GREP1: variants seen among roughly 807,000 people sequenced by gnomAD.
GREP1 encodes the protein glycine-rich extracellular protein 1.
Position 3,000,709 on chromosome 16 carries a change from C to G in GREP1, c.1418-5C>G. Reference sequence around the variant, plus strand: ...GGGTACCCCTGCCAGCTCTCCTCCCCACAGGGCAGGCCGGGGTGCTGTGGA... The same window carrying G: ...GGGTACCCCTGCCAGCTCTCCTCCCGACAGGGCAGGCCGGGGTGCTGTGGA... On this transcript the variant is annotated splice_region_variant and splice_polypyrimidine_tract_variant and intron_variant, in intron 32 of 34. Coordinates refer to ENST00000573315, the Ensembl canonical transcript of GREP1. 2.5e-6 allele frequency: 1 copy of G among 399,026 alleles called. No homozygotes were observed. Among genetic ancestry groups the G allele is most frequent in the Admixed American group, 4.4e-5 (1 of 22,742 alleles). The allele number at this position is 399,026 out of a possible 1,614,324, so 24.7% of individuals were successfully genotyped here.
At chr16:2,999,875 C>A (rs1425702236) in intron 27 of GREP1, 27 bp from the exon 25 acceptor site, 2 of 398,968 alleles carry the variant, frequency 5.0e-6, no homozygotes, top group Non-Finnish European at 8.8e-6. Flanking sequence ...CCTGGGTCCC[C>A]CGCACTGACT....
Position 2,996,671 on chromosome 16 carries a change from A to T in GREP1, c.713-2A>T, listed in dbSNP as rs1204293993. ...TGATGTCAGCCTCTCTGTCTCTCCC[A>T]GGCCTAGGAGCGGGGATGAAGCCTC... is the stretch of plus-strand genomic sequence containing the variant. On this transcript the variant is annotated splice_acceptor_variant, in intron 19 of 34. Coordinates refer to ENST00000573315, the Ensembl canonical transcript of GREP1. LOFTEE classifies it high-confidence loss of function. 7.5e-6 allele frequency: 3 copies of T among 398,930 alleles called. No individual in the cohort carries two copies. The allele number at this position is 398,930 out of a possible 1,614,324, so 24.7% of individuals were successfully genotyped here.
chr16:3,001,567 G>A, exon 35 of GREP1: 1 of 399,190 alleles, frequency 2.5e-6, no homozygotes, highest in Middle Eastern at 6.3e-4. Flanking sequence ...CCAGGCCGCT[G>A]CCCTCTGGGG....
chr16:2,990,479 A>C, exon 6 of GREP1: 1 of 399,410 alleles, frequency 2.5e-6, no homozygotes, highest in Non-Finnish European at 4.4e-6. Flanking sequence ...ATGAAACCCC[A>C]AAACCTAGGT....
At chr16:2,995,375 TCACCCC>T (rs1393004109) in intron 14 of GREP1, 59 bp downstream of exon 15, 3 of 398,224 alleles carry the variant, frequency 7.5e-6, no homozygotes, top group Non-Finnish European at 1.3e-5. Context: ...CTTCCCCCTC[TCACCCC>T]CACCTCCATC....
chr16:2,998,808 C>G (rs2072442159), intron 25 of GREP1, 40 bp from the exon 24 acceptor site: 1 of 399,124 alleles, frequency 2.5e-6, no homozygotes, highest in East Asian at 3.6e-5. Context: ...GAGGACTGGC[C>G]TGGAGCATAG....
rs912822476 is a variant in GREP1, at chr16:2,991,732, C to G, written c.322+631C>G. On this transcript the variant is annotated intron_variant, in intron 8 of 34. Coordinates refer to ENST00000573315, the Ensembl canonical transcript of GREP1. The surrounding 1 kb of genome is among the most constrained non-coding windows in gnomAD (Gnocchi z 4.9). ...AATGCCATTCCTGTGGGTGGGGACTCCTGTGGAGGCCTCTGAGCTGCTTCC... is the reference window on the plus strand; with the variant it reads ...AATGCCATTCCTGTGGGTGGGGACTGCTGTGGAGGCCTCTGAGCTGCTTCC... 3.3e-5 allele frequency: 5 copies of G among 152,442 alleles called. No homozygotes were observed. Among genetic ancestry groups the G allele is most frequent in the African/African-American group, 1.2e-4 (5 of 41,448 alleles). The allele number at this position is 152,442 out of a possible 1,614,324, so 9.4% of individuals were successfully genotyped here. A position where few individuals can be genotyped will look rare whatever the true frequency, so the allele number is the denominator to read the frequency against.
In GREP1 at chr16:2,990,075, C is replaced by A; in HGVS notation, c.164-12C>A. ...TCTCACACTCCTCACCTCACCTCAT[C>A]TGTCTCTCCAGGATTCGTGGTCAGG... is the stretch of plus-strand genomic sequence containing the variant. On this transcript the variant is annotated splice_polypyrimidine_tract_variant and intron_variant, in intron 4 of 34. Coordinates refer to ENST00000573315, the Ensembl canonical transcript of GREP1. The A allele has an allele frequency of 2.5e-6, 1 of 399,370 alleles. No homozygotes were observed. Among genetic ancestry groups the A allele is most frequent in the East Asian group, 3.6e-5 (1 of 28,072 alleles). 24.7% of individuals were successfully genotyped at this position (399,370 alleles called of 1,614,324 possible).
intron 23 of GREP1, 85 bp from the exon 22 acceptor site, chr16:2,998,270 TA>T (rs1374727692): frequency 2.5e-6 from 1 of 398,466 alleles, no homozygotes; most frequent in East Asian, 3.6e-5. Context: ...AAGACGGGGC[TA>T]GGGGGATCAG....
chr16:3,001,034 C>G (rs1421317352), intron 33 of GREP1, among the ~76,000 whole-genome samples: 1 of 152,044 alleles, frequency 6.6e-6, no homozygotes, highest in Non-Finnish European at 1.5e-5. Context: ...CAGAAGAGCC[C>G]GGGACCCTGA....
chr16:2,993,167 T>C (rs1290022794), intron 10 of GREP1: 1 of 377,266 alleles, frequency 2.7e-6, no homozygotes, highest in Non-Finnish European at 4.7e-6. Context: ...GTCTTAGGGG[T>C]TGGGGGTTAC....
exon 35 of GREP1, chr16:3,001,659 G>C: frequency 2.5e-6 from 1 of 399,114 alleles, no homozygotes; most frequent in Non-Finnish European, 4.4e-6. Flanking sequence ...CTGCCTGGCC[G>C]GGGGTCTCCT....
At chr16:2,997,745 G>A in intron 22 of GREP1, 58 bp from the exon 21 acceptor site, 1 of 398,562 alleles carries the variant, frequency 2.5e-6, no homozygotes, top group Non-Finnish European at 4.4e-6. Context: ...GCCAGGTCTG[G>A]AAGAGACCCC....
In GREP1 at chr16:2,991,337, G is replaced by A. The variant is rs2072398252; in HGVS notation, c.322+236G>A. The A allele has an allele frequency of 5.3e-6, 2 of 380,692 alleles. No homozygotes were observed. Among genetic ancestry groups the A allele is most frequent in the African/African-American group, 2.1e-5 (1 of 48,098 alleles). 23.6% of individuals were successfully genotyped at this position (380,692 alleles called of 1,614,324 possible). A position where few individuals can be genotyped will look rare whatever the true frequency, so the allele number is the denominator to read the frequency against. On this transcript the variant is annotated intron_variant, in intron 8 of 34. Coordinates refer to ENST00000573315, the Ensembl canonical transcript of GREP1. This position sits in a 1 kb window ranked among gnomAD's most constrained non-coding sequence, Gnocchi z 4.9. Reference sequence around the variant, plus strand: ...AGGCGCCTCTGGGTCCCTCAAGCCTGCCCACCCCACCGCTCATGGCCCTCA... The same window carrying A: ...AGGCGCCTCTGGGTCCCTCAAGCCTACCCACCCCACCGCTCATGGCCCTCA...
intron 10 of GREP1, 175 bp from the exon 12 acceptor site, chr16:2,994,523 A>G: frequency 2.5e-6 from 1 of 396,564 alleles, no homozygotes; most frequent in Non-Finnish European, 4.4e-6. Flanking sequence ...AAAATAAAAA[A>G]AAGAGCTCAG....
chr16:2,996,577 G>C (rs1467008329), intron 19 of GREP1, 46 bp downstream of exon 18: 14 of 399,300 alleles, frequency 3.5e-5, no homozygotes, highest in Non-Finnish European at 4.9e-5. Context: ...GAGGTGGGAC[G>C]GGAAGAGAGA....
exon 7 of GREP1, chr16:2,990,561 C>T (rs2072393469): frequency 5.0e-6 from 2 of 399,220 alleles, no homozygotes; most frequent in East Asian, 3.6e-5. Flanking sequence ...GGGTTCAGGA[C>T]CTTCGCAGGT....
rs1024685205 is a variant in GREP1, at chr16:2,989,308, G to A, written c.101-215G>A. The A allele has an allele frequency of 1.0e-5, 4 of 394,314 alleles. No individual in the cohort carries two copies. Among genetic ancestry groups the A allele is most frequent in the Non-Finnish European group, 1.3e-5 (3 of 223,756 alleles). The allele number at this position is 394,314 out of a possible 1,614,324, so 24.4% of individuals were successfully genotyped here. On this transcript the variant is annotated intron_variant, in intron 2 of 34. Transcript: ENST00000573315. This position sits in a 1 kb window ranked among gnomAD's most constrained non-coding sequence, Gnocchi z 4.2. Reference sequence around the variant, plus strand: ...CTCTGCCCTCTACCCTCCTGTGACAGCAGGGAAACTGAGACCTGGAAAGGG... The same window carrying A: ...CTCTGCCCTCTACCCTCCTGTGACAACAGGGAAACTGAGACCTGGAAAGGG...
intron 2 of GREP1, chr16:2,988,846 C>T (rs570846425): frequency 2.3e-5 from 9 of 391,426 alleles, no homozygotes; most frequent in South Asian, 2.9e-4. Context: ...GCCCTGAGGA[C>T]GGGCCTGGGC....
Sources: gnomAD v4.1 joint callset for allele counts (sites outside exome capture counted in the v4.1 genomes callset) on GRCh38, gnomAD v4.1.1 for gene constraint, Gnocchi (gnomAD v3.1) non-coding constraint, MANE v1.5 for transcripts, NCBI Gene and HGNC (gene_info 2026-07-23, HGNC 2026-07-21) for gene names.